PLCB4: variants seen among roughly 807,000 people sequenced by gnomAD.
PLCB4 encodes 1-phosphatidylinositol 4,5-bisphosphate phosphodiesterase beta-4.
Under a neutral mutation model 178.8 loss-of-function variants are expected in PLCB4, and 77 were observed. The ratio of observed to expected loss-of-function variants is 0.43; its 90% confidence interval spans 0.36 to 0.52. The LOEUF (loss-of-function observed/expected upper bound fraction) is 0.52, where lower values mean the gene tolerates loss of function less well. Among genes scored for constraint, PLCB4 ranks in the 20% least tolerant of loss-of-function variants. PLCB4 has a pLI of 0.00. For missense variants in PLCB4, 1,024 were observed against 1,453.4 expected, an observed-to-expected ratio of 0.70 and a Z score of 4.80; for synonymous variants, 496 against 490.8, an observed-to-expected ratio of 1.01 and a Z score of -0.14.
At chr20:9,380,936 A>G (rs1367982138) in intron 13 of PLCB4, among the ~76,000 whole-genome samples, 3 of 151,812 alleles carry the variant, frequency 2.0e-5, no homozygotes, top group Admixed American at 6.6e-5. Flanking sequence ...TTTAAAATCT[A>G]TTTTTTTCTT....
At chr20:9,259,149 G>A (rs928122751) in intron 3 of PLCB4, among the ~76,000 whole-genome samples, 1 of 152,208 alleles carries the variant, frequency 6.6e-6, no homozygotes, top group Admixed American at 6.5e-5. Flanking sequence ...GGAATGGTCT[G>A]AGTGAGTGGA....
At chr20:9,080,265 C>T (rs1306748649) in intron 1 of PLCB4, among the ~76,000 whole-genome samples, 3 of 152,124 alleles carry the variant, frequency 2.0e-5, no homozygotes, top group Non-Finnish European at 4.4e-5. Context: ...GTGAAGTCTG[C>T]TCTTTGGTTT....
chr20:9,369,418 A>G (rs1467264595), intron 9 of PLCB4, among the ~76,000 whole-genome samples: 1 of 152,194 alleles, frequency 6.6e-6, no homozygotes, highest in Non-Finnish European at 1.5e-5. Flanking sequence ...AAAAGGCTAC[A>G]AAATTTTTGT....
intron 4 of PLCB4, 36 bp downstream of exon 4, chr20:9,307,934 T>C (rs750774447): frequency 1.2e-5 from 10 of 827,582 alleles, no homozygotes; most frequent in Non-Finnish European, 2.0e-5. Flanking sequence ...TCTCAAAACA[T>C]TCTAATAATT....
At chr20:9,144,076 G>A (rs1214084729) in intron 2 of PLCB4, among the ~76,000 whole-genome samples, 1 of 152,098 alleles carries the variant, frequency 6.6e-6, no homozygotes, top group Non-Finnish European at 1.5e-5. Flanking sequence ...GTTTTATTTG[G>A]TATCACTTTT....
chr20:9,342,648 G>A (rs920311143), intron 7 of PLCB4, among the ~76,000 whole-genome samples: 4 of 141,500 alleles, frequency 2.8e-5, no homozygotes, highest in African/African-American at 1.1e-4. Context: ...TGGCTTTTAT[G>A]TTTTGGGGTT....
intron 3 of PLCB4, among the ~76,000 whole-genome samples, chr20:9,279,874 C>T (rs1322153976): frequency 6.6e-6 from 1 of 152,026 alleles, no homozygotes; most frequent in Non-Finnish European, 1.5e-5. Context: ...ACTACCAGCA[C>T]CTACCCACGT....
At chr20:9,248,652 C>G (rs2094148878) in intron 3 of PLCB4, among the ~76,000 whole-genome samples, 1 of 152,162 alleles carries the variant, frequency 6.6e-6, no homozygotes, top group East Asian at 1.9e-4. Context: ...AAATTTAAAT[C>G]TGACCTACTG....
intron 3 of PLCB4, among the ~76,000 whole-genome samples, chr20:9,225,992 G>C (rs1286192026): frequency 6.6e-6 from 1 of 152,164 alleles, no homozygotes; most frequent in Non-Finnish European, 1.5e-5. Flanking sequence ...GAGAGGAACC[G>C]GCCGGTGACC....
intron 3 of PLCB4, among the ~76,000 whole-genome samples, chr20:9,250,176 T>C (rs1384908085): frequency 6.6e-6 from 1 of 152,220 alleles, no homozygotes; most frequent in African/African-American, 2.4e-5. Flanking sequence ...CAGCCTTGTG[T>C]TGGCTTACTA....
intron 25 of PLCB4, among the ~76,000 whole-genome samples, chr20:9,413,226 A>AG (rs1396399746): frequency 6.6e-6 from 1 of 152,074 alleles, no homozygotes; most frequent in Non-Finnish European, 1.5e-5. Flanking sequence ...TGCCCACCTC[A>AG]GCGATCACAC....
chr20:9,093,400 G>A (rs992623853), intron 1 of PLCB4, among the ~76,000 whole-genome samples: 17 of 152,056 alleles, frequency 1.1e-4, no homozygotes, highest in African/African-American at 4.1e-4. Context: ...GAGTTGCTCT[G>A]GTTTTCCCAT....
intron 3 of PLCB4, among the ~76,000 whole-genome samples, chr20:9,306,518 T>C (rs1369032348): frequency 6.6e-6 from 1 of 152,220 alleles, no homozygotes; most frequent in African/African-American, 2.4e-5. Flanking sequence ...TTGTTTTAAA[T>C]TTCTAGTATC....
rs6056438 is a variant in PLCB4 at position 9,170,591 on chromosome 20, A to C, written c.-78-46799A>C. Reference sequence around the variant, plus strand: ...CGAAGATTGTGTTTGAGGATACAGTAACCTCATCATTTAGCCTGAAATATA... The same window carrying C: ...CGAAGATTGTGTTTGAGGATACAGTCACCTCATCATTTAGCCTGAAATATA... On this transcript the variant is annotated intron_variant, in intron 2 of 39. Coordinates refer to ENST00000378473, the MANE Select transcript of PLCB4 (RefSeq NM_001377142.1). 4.5e-3 allele frequency among the ~76,000 whole-genome samples: 689 copies of C among 152,318 alleles called. 4 individuals carry two copies. Among genetic ancestry groups the C allele is most frequent in the African/African-American group, 0.014 (562 of 41,578 alleles).
chr20:9,367,505 A>G (rs2035885526), intron 9 of PLCB4, among the ~76,000 whole-genome samples: 1 of 152,238 alleles, frequency 6.6e-6, no homozygotes, highest in South Asian at 2.1e-4. Flanking sequence ...GTTGAGTAAT[A>G]GCAGAACAAT....
intron 3 of PLCB4, among the ~76,000 whole-genome samples, chr20:9,245,286 T>C (rs1013999558): frequency 6.6e-6 from 1 of 152,072 alleles, no homozygotes; most frequent in African/African-American, 2.4e-5. Flanking sequence ...GGAAATAGAT[T>C]CCACTTCTTG....
chr20:9,359,265 C>A (rs757317937), intron 7 of PLCB4, among the ~76,000 whole-genome samples: 16 of 152,014 alleles, frequency 1.1e-4, no homozygotes, highest in Non-Finnish European at 1.6e-4. Context: ...TAAACATATG[C>A]CTGGAAGTTG....
chr20:9,393,137 G>C (rs1242291838), intron 17 of PLCB4, among the ~76,000 whole-genome samples: 1 of 152,140 alleles, frequency 6.6e-6, no homozygotes, highest in Non-Finnish European at 1.5e-5. Context: ...GTTGAGGGTT[G>C]GGTCAGCCTA....
chr20:9,404,442 T>C (rs190470243), intron 20 of PLCB4, among the ~76,000 whole-genome samples: 3 of 152,104 alleles, frequency 2.0e-5, no homozygotes, highest in Non-Finnish European at 1.5e-5. Context: ...AAGAGTATTG[T>C]TTTAATACAA....
Sources: gnomAD v4.1 joint callset for allele counts (sites outside exome capture counted in the v4.1 genomes callset) on GRCh38, gnomAD v4.1.1 for gene constraint, MANE v1.5 for transcripts, NCBI Gene and HGNC (gene_info 2026-07-23, HGNC 2026-07-21) for gene names.